CPLX4: variants seen among roughly 807,000 people sequenced by gnomAD.
The protein encoded by CPLX4 is complexin 4.
A neutral mutation model predicts 16.1 loss-of-function variants in CPLX4; 17 were observed. The observed-to-expected ratio is 1.06, with a 90% CI of 0.72 to 1.59. The LOEUF is 1.59. CPLX4 is among the 40% of genes most tolerant of loss of function. CPLX4 has a pLI of 0.00. For missense variants in CPLX4, 193 were observed against 192.9 expected (o/e 1.00, Z 0.00); for synonymous variants, 55 against 57.8 (o/e 0.95, Z 0.22).
intron 2 of CPLX4, among the ~76,000 whole-genome samples, chr18:59,308,611 C>T (rs1258694323): frequency 6.6e-5 from 10 of 151,726 alleles, no homozygotes; most frequent in Non-Finnish European, 1.5e-4. Flanking sequence ...TGCCACCACC[C>T]GCAGCCCGGG....
intron 2 of CPLX4, among the ~76,000 whole-genome samples, chr18:59,305,826 A>C (rs1414070312): frequency 6.6e-6 from 1 of 152,226 alleles, no homozygotes; most frequent in Non-Finnish European, 1.5e-5. Context: ...TCGAGTGAGA[A>C]GAAGAGCCAG....
intron 2 of CPLX4, among the ~76,000 whole-genome samples, chr18:59,302,139 C>T (rs1190123906): frequency 2.6e-5 from 4 of 152,206 alleles, no homozygotes; most frequent in Non-Finnish European, 5.9e-5. Context: ...GTGGACACAG[C>T]AGCCTTGTTT....
intron 2 of CPLX4, among the ~76,000 whole-genome samples, chr18:59,306,878 C>T (rs2070580081): frequency 1.3e-5 from 2 of 152,136 alleles, no homozygotes; most frequent in African/African-American, 4.8e-5. Flanking sequence ...AGCTGGAGGA[C>T]ATGTTAAATT....
intron 2 of CPLX4, among the ~76,000 whole-genome samples, chr18:59,304,261 T>C (rs955430097): frequency 6.6e-6 from 1 of 152,194 alleles, no homozygotes; most frequent in Non-Finnish European, 1.5e-5. Flanking sequence ...ATTCTGTTAA[T>C]AGGATTAGGG....
chr18:59,308,541 C>CTTTTT (rs372511937), intron 2 of CPLX4, among the ~76,000 whole-genome samples: 4 of 119,402 alleles, frequency 3.4e-5, no homozygotes, highest in East Asian at 2.5e-4. Context: ...CCTATCAAGA[C>CTTTTT]TTTTTTTTTT....
At position 59,296,590 on chromosome 18, in the gene CPLX4, T is replaced by G; in HGVS notation, c.*108A>C. On this transcript the variant is annotated 3_prime_UTR_variant, in exon 3 of 3. Coordinates refer to ENST00000299721, the MANE Select transcript of CPLX4 (RefSeq NM_181654.4). ...TTGTCTGTCAATGGATCATCGTGGT[T>G]TTCCTAACTGTGTTCACTACATTAA... is the stretch of plus-strand genomic sequence containing the variant. 8.2e-7 allele frequency: 1 copy of G among 1,224,862 alleles called. No homozygotes were observed. Among genetic ancestry groups the G allele is most frequent in the Non-Finnish European group, 1.1e-6 (1 of 869,668 alleles). The allele number at this position is 1,224,862 out of a possible 1,614,324, so 75.9% of individuals were successfully genotyped here. A position where few individuals can be genotyped will look rare whatever the true frequency, so the allele number is the denominator to read the frequency against.
intron 2 of CPLX4, among the ~76,000 whole-genome samples, chr18:59,308,308 T>G (rs2070591374): frequency 6.6e-6 from 1 of 152,128 alleles, no homozygotes; most frequent in African/African-American, 2.4e-5. Flanking sequence ...TTCCAATTCC[T>G]TCAGCCCGCC....
At chr18:59,312,391 A>C (rs2070622352) in intron 2 of CPLX4, among the ~76,000 whole-genome samples, 1 of 150,052 alleles carries the variant, frequency 6.7e-6, no homozygotes, top group African/African-American at 2.4e-5. Flanking sequence ...TATGATTAGG[A>C]TATACGTGTG....
intron 2 of CPLX4, among the ~76,000 whole-genome samples, chr18:59,301,909 G>A (rs2070544225): frequency 6.6e-6 from 1 of 152,228 alleles, no homozygotes; most frequent in Non-Finnish European, 1.5e-5. Context: ...GAGACATGCT[G>A]TGAAACAGCC....
In CPLX4 at chr18:59,312,708, T is replaced by C. The variant is rs752341091; in HGVS notation, c.232A>G (p.Arg78Gly). The C allele has an allele frequency of 1.4e-6, 2 of 1,403,042 alleles. No individual in the cohort carries two copies. The highest frequency in any genetic ancestry group is 2.3e-5 in the South Asian group (2 of 86,832). 86.9% of individuals were successfully genotyped at this position (1,403,042 alleles called of 1,614,324 possible). ...ACCTTTGGGAGCCTGTATTTTTCTCTGAGATGAACTCTGAGGCATGCCCTT... is the reference window on the plus strand; with the variant it reads ...ACCTTTGGGAGCCTGTATTTTTCTCCGAGATGAACTCTGAGGCATGCCCTT... ...AERACLRVHL[R>G]EKYRLPKSEM... Residue 78 changes from arginine (R) to glycine (G), a missense_variant, in exon 2 of 3, where the codon AGA (arginine) becomes GGA (glycine). Transcript: ENST00000299721.
At chr18:59,301,469 A>G (rs544832898) in intron 2 of CPLX4, among the ~76,000 whole-genome samples, 2 of 152,346 alleles carry the variant, frequency 1.3e-5, no homozygotes, top group Non-Finnish European at 2.9e-5. Flanking sequence ...CCACCAGAGC[A>G]TGGCTGCTTC....
At chr18:59,315,098 A>G (rs891288054) in intron 1 of CPLX4, among the ~76,000 whole-genome samples, 1 of 152,218 alleles carries the variant, frequency 6.6e-6, no homozygotes, top group Non-Finnish European at 1.5e-5. Flanking sequence ...AAACAGCACG[A>G]CCTTTCTCCA....
intron 1 of CPLX4, among the ~76,000 whole-genome samples, chr18:59,316,039 G>T (rs966673731): frequency 1.3e-5 from 2 of 152,164 alleles, no homozygotes; most frequent in African/African-American, 4.8e-5. Flanking sequence ...ACAATGCTAT[G>T]CTCATACTAG....
intron 2 of CPLX4, among the ~76,000 whole-genome samples, chr18:59,312,242 A>G (rs1032791331): frequency 3.3e-4 from 50 of 152,124 alleles, no homozygotes; most frequent in African/African-American, 1.2e-3. Context: ...ATAAGTTTAC[A>G]TTAAAATGTC....
At chr18:59,301,646 C>T (rs934815829) in intron 2 of CPLX4, among the ~76,000 whole-genome samples, 3 of 152,222 alleles carry the variant, frequency 2.0e-5, no homozygotes, top group Admixed American at 1.3e-4. Flanking sequence ...GCTCTGGATC[C>T]TAACTAATTG....
At chr18:59,298,243 C>T (rs1434581659) in intron 2 of CPLX4, among the ~76,000 whole-genome samples, 1 of 152,132 alleles carries the variant, frequency 6.6e-6, no homozygotes, top group African/African-American at 2.4e-5. Flanking sequence ...GTATGCACCC[C>T]CATACTCAGC....
At chr18:59,308,171 A>G (rs2070590396) in intron 2 of CPLX4, among the ~76,000 whole-genome samples, 1 of 152,170 alleles carries the variant, frequency 6.6e-6, no homozygotes, top group Non-Finnish European at 1.5e-5. Context: ...AATAACAACC[A>G]GCAGCTAAGC....
chr18:59,306,778 G>A (rs2144185418), intron 2 of CPLX4, among the ~76,000 whole-genome samples: 1 of 152,312 alleles, frequency 6.6e-6, no homozygotes, highest in Non-Finnish European at 1.5e-5. Flanking sequence ...TCAGGGGAAG[G>A]GTCTAGAACT....
In CPLX4 at chr18:59,318,388, A is replaced by G. The variant is rs763281928; in HGVS notation, c.75T>C (p.Asn25=). Residue 25 remains asparagine, a synonymous_variant, in exon 1 of 3, where the codon AAT becomes AAC. Coordinates refer to ENST00000299721, the MANE Select transcript of CPLX4 (RefSeq NM_181654.4). ...NLGFGGGSEE[N]KEEGGASDPA... is the part of the protein sequence containing the mutation. ...GATCAGATGCACCTCCTTCTTCTTT[A>G]TTTTCTTCAGACCCACCACCAAATC... is the stretch of plus-strand genomic sequence containing the variant. 1 of 1,613,584 alleles carries G rather than the reference A, an allele frequency of 6.2e-7. No individual in the cohort carries two copies. Among genetic ancestry groups the G allele is most frequent in the Non-Finnish European group, 8.5e-7 (1 of 1,179,786 alleles).
Sources: allele counts gnomAD v4.1 joint callset (sites outside exome capture counted in the v4.1 genomes callset), GRCh38; gene constraint gnomAD v4.1.1; transcripts MANE v1.5; gene names NCBI Gene and HGNC (gene_info 2026-07-23, HGNC 2026-07-21).